The following FSTL4 variants were observed in gnomAD, a reference collection of about 807,000 sequenced individuals.
The protein encoded by FSTL4 is follistatin like 4, also known as follistatin-related protein 4.
FSTL4 carries 28 observed loss-of-function variants against 78.2 expected under a neutral mutation model. That is an observed-to-expected ratio of 0.36 (90% CI 0.27 to 0.49). FSTL4 has a LOEUF of 0.49. FSTL4 is among the 20% of genes least tolerant of loss of function. The probability of loss-of-function intolerance (pLI) is 0.98; values close to 1 mark genes in which losing one functional copy is unlikely to be tolerated. For missense variants in FSTL4, 922 were observed against 1,084.9 expected (o/e 0.85, Z 2.11); for synonymous variants, 422 against 440.5 (o/e 0.96, Z 0.53).
At chr5:133,735,640 T>C in the FSTL4 span, among the ~76,000 whole-genome samples, 94 of 152,326 alleles carry the variant, frequency 6.2e-4, no homozygotes, top group South Asian at 0.015. Flanking sequence ...GAGGATTTCT[T>C]TGCAACTATA....
chr5:133,420,339 C>A (rs1475186537), intron 3 of FSTL4, among the ~76,000 whole-genome samples: 9 of 152,216 alleles, frequency 5.9e-5, no homozygotes, highest in African/African-American at 1.9e-4. Context: ...TGCTGAATAT[C>A]ATTGACAAAA....
At chr5:133,680,280 C>G in the FSTL4 span, among the ~76,000 whole-genome samples, 1 of 152,204 alleles carries the variant, frequency 6.6e-6, no homozygotes, top group East Asian at 1.9e-4. Flanking sequence ...TCTGGAAATA[C>G]ACAAACAGCA....
intron 10 of FSTL4, 24 bp from the exon 11 acceptor site, chr5:133,224,240 A>G (rs773959853): frequency 1.2e-6 from 2 of 1,605,594 alleles, no homozygotes; most frequent in African/African-American, 2.7e-5. Context: ...GAATGAGGAA[A>G]GCAGGAGTGT....
intron 5 of FSTL4, among the ~76,000 whole-genome samples, chr5:133,314,522 T>C (rs527749565): frequency 6.6e-6 from 1 of 151,820 alleles, no homozygotes; most frequent in South Asian, 2.1e-4. Flanking sequence ...TACTCCTTAC[T>C]AGGGTTCTGG....
At chr5:133,818,216 A>G in the FSTL4 span, among the ~76,000 whole-genome samples, 1 of 152,224 alleles carries the variant, frequency 6.6e-6, no homozygotes, top group African/African-American at 2.4e-5. Flanking sequence ...AGCAGCAGCA[A>G]GAGTCAACAA....
At chr5:133,586,180 G>A in intron 2 of FSTL4, among the ~76,000 whole-genome samples, 1 of 84,256 alleles carries the variant, frequency 1.2e-5, no homozygotes. Flanking sequence ...AGAGAAAGCA[G>A]GAAAGATCCA....
At chr5:133,313,251 G>T (rs1475345567) in intron 5 of FSTL4, among the ~76,000 whole-genome samples, 1 of 152,172 alleles carries the variant, frequency 6.6e-6, no homozygotes, top group Non-Finnish European at 1.5e-5. Flanking sequence ...CCACCCATCA[G>T]CCCTTACCCA....
chr5:133,799,961 C>G, the FSTL4 span, among the ~76,000 whole-genome samples: 1 of 139,470 alleles, frequency 7.2e-6, no homozygotes, highest in Non-Finnish European at 1.6e-5. Flanking sequence ...GAGCACCCTT[C>G]TCTCTCAGCA....
the FSTL4 span, among the ~76,000 whole-genome samples, chr5:133,657,863 C>T: frequency 6.6e-6 from 1 of 150,786 alleles, no homozygotes; most frequent in Non-Finnish European, 1.5e-5. Context: ...CCTGGGCTCC[C>T]TTAAAGTCCT....
chr5:133,423,718 C>T (rs1376276290), intron 3 of FSTL4, among the ~76,000 whole-genome samples: 6 of 152,140 alleles, frequency 3.9e-5, no homozygotes, highest in East Asian at 1.9e-4. Flanking sequence ...TGACGATAGA[C>T]GTAGTTAGAA....
intron 2 of FSTL4, among the ~76,000 whole-genome samples, chr5:133,571,893 A>G (rs1451876852): frequency 6.6e-6 from 1 of 152,210 alleles, no homozygotes; most frequent in Admixed American, 6.5e-5. Flanking sequence ...AAAAAGTATG[A>G]GACACTGTAA....
intron 4 of FSTL4, among the ~76,000 whole-genome samples, chr5:133,382,946 G>T (rs372359021): frequency 2.1e-4 from 32 of 151,946 alleles, no homozygotes; most frequent in Admixed American, 5.9e-4. Context: ...GAGAGAGAAG[G>T]GGGGTGGGAG....
intron 12 of FSTL4, among the ~76,000 whole-genome samples, chr5:133,218,488 A>G (rs1415376966): frequency 2.0e-5 from 3 of 152,176 alleles, no homozygotes; most frequent in South Asian, 2.1e-4. Flanking sequence ...CTCACTCCCA[A>G]TAACATTATT....
At chr5:133,341,713 T>G (rs1371293509) in intron 4 of FSTL4, among the ~76,000 whole-genome samples, 1 of 152,222 alleles carries the variant, frequency 6.6e-6, no homozygotes, top group Non-Finnish European at 1.5e-5. Context: ...CAGGCCCACC[T>G]TGAAGAATTC....
At chr5:133,498,579 A>T (rs1758419651) in intron 3 of FSTL4, among the ~76,000 whole-genome samples, 1 of 152,032 alleles carries the variant, frequency 6.6e-6, no homozygotes, top group African/African-American at 2.4e-5. Context: ...TTAACTGGGC[A>T]TGGTGGCACA....
intron 4 of FSTL4, among the ~76,000 whole-genome samples, chr5:133,396,607 C>T (rs1408722399): frequency 6.6e-6 from 1 of 152,194 alleles, no homozygotes; most frequent in East Asian, 1.9e-4. Flanking sequence ...AAGAAGCTTT[C>T]CCTGGCAGGA....
Position 133,312,782 on chromosome 5 carries a change from G to T in FSTL4, c.604-5C>A. On this transcript the variant is annotated splice_polypyrimidine_tract_variant and splice_region_variant and intron_variant, in intron 5 of 15. Transcript: ENST00000265342. ...GTCCTGCTTCTTCAGCACATGCTGTGGGGTGAGGAGGAGAACAAGGCCAGA... is the reference window on the plus strand; with the variant it reads ...GTCCTGCTTCTTCAGCACATGCTGTTGGGTGAGGAGGAGAACAAGGCCAGA... 1.2e-6 allele frequency: 2 copies of T among 1,613,926 alleles called. No homozygotes were observed. Among genetic ancestry groups the T allele is most frequent in the Non-Finnish European group, 1.7e-6 (2 of 1,179,852 alleles).
chr5:133,648,543 A>G, the FSTL4 span, among the ~76,000 whole-genome samples: 2 of 152,118 alleles, frequency 1.3e-5, no homozygotes, highest in African/African-American at 4.8e-5. Context: ...TCAACCCCCT[A>G]TGGTACATCC....
intron 3 of FSTL4, among the ~76,000 whole-genome samples, chr5:133,467,105 T>C (rs867458372): frequency 6.6e-6 from 1 of 151,920 alleles, no homozygotes; most frequent in Non-Finnish European, 1.5e-5. Context: ...TGTGTGTGTA[T>C]ATATGTCTGA....
Sources: allele counts gnomAD v4.1 joint callset (sites outside exome capture counted in the v4.1 genomes callset), GRCh38; gene constraint gnomAD v4.1.1; transcripts MANE v1.5; gene names NCBI Gene and HGNC (gene_info 2026-07-23, HGNC 2026-07-21).